Variants in ZNF843 observed in about 807,000 individuals in gnomAD.
ZNF843 encodes zinc finger protein 843.
For missense variants in ZNF843, 482 were observed against 469.4 expected, an observed-to-expected ratio of 1.03 and a Z score of -0.25; for synonymous variants, 185 against 207.7, an observed-to-expected ratio of 0.89 and a Z score of 0.94.
Position 31,435,862 on chromosome 16 carries a change from G to A in ZNF843, c.988C>T (p.Leu330=). The change falls in exon 2 of 2, where the codon CTA becomes TTA. Residue 330 remains leucine, a synonymous_variant. Coordinates refer to ENST00000315678, the MANE Select transcript of ZNF843 (RefSeq NM_001136509.3). ...GCCTTCCACACCGGAAACACTGGTA[G>A]GGCTCCTCTCCAGTGTGGGTTCGAG... ...PPSNPHWRGA[L]PVFPVWKASS... 1.3e-6 allele frequency: 2 copies of A among 1,509,594 alleles called. No individual in the cohort carries two copies. The highest frequency in any genetic ancestry group is 1.8e-6 in the Non-Finnish European group (2 of 1,126,546). 93.5% of individuals were successfully genotyped at this position (1,509,594 alleles called of 1,614,324 possible).
In ZNF843 at chr16:31,436,553, G is replaced by A. The variant is rs1467006395; in HGVS notation, c.297C>T (p.Ser99=). The part of the protein sequence containing the change: ...HSSAGVRQGF[S]GQLCCWLTKE... The stretch of plus-strand genomic sequence containing the variant: ...TGGTGAGCCAGCAGCAGAGCTGGCC[G>A]CTAAACCCTTGCCGCACTCCCGCAG... Residue 99 remains serine (S), a synonymous_variant, in exon 2 of 2, where the codon AGC becomes AGT. Transcript: ENST00000315678. The A allele has an allele frequency of 1.2e-5, 18 of 1,550,200 alleles. No individual in the cohort carries two copies. Among genetic ancestry groups the A allele is most frequent in the Non-Finnish European group, 1.3e-5 (15 of 1,145,934 alleles).
Position 31,436,970 on chromosome 16 carries a change from G to T in ZNF843, c.-121C>A. The T allele has an allele frequency of 1.0e-6, 1 of 964,798 alleles. No homozygotes were observed. Among genetic ancestry groups the T allele is most frequent in the Non-Finnish European group, 1.5e-6 (1 of 657,926 alleles). 59.8% of individuals were successfully genotyped at this position (964,798 alleles called of 1,614,324 possible). On this transcript the variant is annotated 5_prime_UTR_variant, in exon 2 of 2. Coordinates refer to ENST00000315678, the MANE Select transcript of ZNF843 (RefSeq NM_001136509.3). ...CCCGTGGCCACGAGCTCACAGTCTGGGAGCAGCACCCGGCCCCAGGCCTCG... is the reference window on the plus strand; with the variant it reads ...CCCGTGGCCACGAGCTCACAGTCTGTGAGCAGCACCCGGCCCCAGGCCTCG...
At chr16:31,437,468 A>AT (rs554255057) in intron 1 of ZNF843, among the ~76,000 whole-genome samples, 2,159 of 121,510 alleles carry the variant, frequency 0.018, 45 homozygotes, top group African/African-American at 0.044. Context: ...TAGGCCCAGC[A>AT]TTTTTTTTTT....
chr16:31,441,521 A>G (rs1471986584), intron 1 of ZNF843, among the ~76,000 whole-genome samples: 2 of 152,120 alleles, frequency 1.3e-5, no homozygotes, highest in African/African-American at 2.4e-5. Flanking sequence ...CTCTCCCTCT[A>G]TCATCCAGGC....
chr16:31,436,567 G>A lies in ZNF843; in HGVS notation c.283C>T (p.Arg95Trp), dbSNP rs1478134963. ...LGRSHSSAGVRQGFSGQLCCW... is the reference protein window; with the variant it reads ...LGRSHSSAGVWQGFSGQLCCW... ...CAGAGCTGGCCGCTAAACCCTTGCC[G>A]CACTCCCGCAGACGAATGGCTTCTC... The change falls in exon 2 of 2, where the codon CGG (arginine) becomes TGG (tryptophan). Residue 95 changes from arginine to tryptophan, a missense_variant. By Grantham distance (101) the Arg-to-Trp change is moderately radical. Transcript: ENST00000315678. The A allele has an allele frequency of 2.6e-6, 4 of 1,550,308 alleles. No individual in the cohort carries two copies. Among genetic ancestry groups the A allele is most frequent in the Non-Finnish European group, 3.5e-6 (4 of 1,146,086 alleles).
intron 1 of ZNF843, among the ~76,000 whole-genome samples, chr16:31,440,113 G>T (rs1477917011): frequency 2.0e-5 from 3 of 152,076 alleles, no homozygotes; most frequent in African/African-American, 7.2e-5. Context: ...AGATACTAAC[G>T]ATTACCCCAT....
In ZNF843 at chr16:31,436,843, T is replaced by G; in HGVS notation, c.7A>C (p.Ser3Arg). The G allele has an allele frequency of 3.3e-6, 5 of 1,534,892 alleles. No individual in the cohort carries two copies. Among genetic ancestry groups the G allele is most frequent in the Non-Finnish European group, 3.5e-6 (4 of 1,137,474 alleles). The change falls in exon 2 of 2, where the codon AGC (serine) becomes CGC (arginine). Residue 3 changes from serine to arginine, a missense_variant. Physicochemically the swap from Ser to Arg is moderately radical, Grantham distance 110. Transcript: ENST00000315678. The stretch of plus-strand genomic sequence containing the variant: ...TCCACAGTCAGGGCAAAGGGGAGGC[T>G]TCTCATGAGCAGGGCTTCGGAGATG... MRSLPFALTVESV... is the reference protein window; with the variant it reads MRRLPFALTVESV...
intron 1 of ZNF843, among the ~76,000 whole-genome samples, chr16:31,437,829 T>C (rs1361910548): frequency 2.0e-5 from 3 of 151,916 alleles, no homozygotes; most frequent in East Asian, 1.9e-4. Context: ...GATTTCACCA[T>C]GTTGGTCAGG....
chr16:31,436,200 C>T lies in ZNF843; in HGVS notation c.650G>A (p.Arg217Gln), dbSNP rs1360849194. 14 of 1,533,378 alleles carry T rather than the reference C, an allele frequency of 9.1e-6. No homozygotes were observed. The highest frequency in any genetic ancestry group is 2.8e-5 in the African/African-American group (2 of 72,712). The allele number at this position is 1,533,378 out of a possible 1,614,324, so 95.0% of individuals were successfully genotyped here. ...QHLPPSTLLP[R>Q]PPFLYPGPPL... ...GGGGCCAGGATAAAGGAAGGGAGGT[C>T]GGGGCAGGAGTGTGGATGGGGGCAG... The change falls in exon 2 of 2, where the codon CGA (arginine) becomes CAA (glutamine). Residue 217 changes from arginine (R) to glutamine (Q), a missense_variant. By Grantham distance (43) the Arg-to-Gln change is conservative. Coordinates refer to ENST00000315678, the MANE Select transcript of ZNF843 (RefSeq NM_001136509.3).
intron 1 of ZNF843, among the ~76,000 whole-genome samples, chr16:31,441,581 C>G (rs933975391): frequency 6.6e-6 from 1 of 152,096 alleles, no homozygotes; most frequent in Non-Finnish European, 1.5e-5. Flanking sequence ...ACCTCCTGGG[C>G]TCAAGCGGTC....
Position 31,437,110 on chromosome 16 carries a change from G to C in ZNF843, c.-261C>G, listed in dbSNP as rs1333859388. ...TCCCCATCACTAAGTCCATCCTCTT[G>C]GATACGCTGGTCCTCACTGCCGTGT... is the stretch of plus-strand genomic sequence containing the variant. On this transcript the variant is annotated 5_prime_UTR_variant, in exon 2 of 2. Transcript: ENST00000315678. The C allele has an allele frequency of 2.2e-6, 1 of 450,964 alleles. No individual in the cohort carries two copies. Among genetic ancestry groups the C allele is most frequent in the Admixed American group, 4.0e-5 (1 of 24,712 alleles). 27.9% of individuals were successfully genotyped at this position (450,964 alleles called of 1,614,324 possible).
chr16:31,442,301 T>TTTTATTTATTTATTTATTTA (rs144027321), intron 1 of ZNF843, among the ~76,000 whole-genome samples: 13 of 149,634 alleles, frequency 8.7e-5, no homozygotes, highest in African/African-American at 3.2e-4. Context: ...CTTCGCTCGA[T>TTTTATTTATTTATTTATTTA]TTTATTTATT....
At position 31,436,734 on chromosome 16, in the gene ZNF843, C is replaced by A; in HGVS notation, c.116G>T (p.Gly39Val). 6.4e-7 allele frequency: 1 copy of A among 1,551,760 alleles called. No homozygotes were observed. Among genetic ancestry groups the A allele is most frequent in the South Asian group, 1.2e-5 (1 of 84,066 alleles). Residue 39 changes from glycine (G) to valine (V), a missense_variant, in exon 2 of 2, where the codon GGG (glycine) becomes GTG (valine). Transcript: ENST00000315678. The stretch of plus-strand genomic sequence containing the variant: ...GGATGCGCTCTGAGTAAAACCCCTC[C>A]CGCAGGCCTTGCACTTGCAGGGCTG... ...GRQPCKCKAC[G>V]RGFTQSASLL...
intron 1 of ZNF843, among the ~76,000 whole-genome samples, chr16:31,440,152 A>C (rs2082196382): frequency 1.3e-5 from 2 of 152,188 alleles, no homozygotes; most frequent in South Asian, 4.1e-4. Flanking sequence ...GAGGCATAGA[A>C]AGTTTAAGTA....
Position 31,435,740 on chromosome 16 carries a change from C to T in ZNF843, c.*63G>A, listed in dbSNP as rs917904758. 4 of 1,411,040 alleles carry T rather than the reference C, an allele frequency of 2.8e-6. No individual in the cohort carries two copies. The highest frequency in any genetic ancestry group is 1.5e-5 in the South Asian group (1 of 64,776). The allele number at this position is 1,411,040 out of a possible 1,614,324, so 87.4% of individuals were successfully genotyped here. ...TCTGTGTGGAGGGAGGGGACTGCAT[C>T]TCAGATCCACAGTCCACCGGCGGCT... On this transcript the variant is annotated 3_prime_UTR_variant, in exon 2 of 2. Coordinates refer to ENST00000315678, the MANE Select transcript of ZNF843 (RefSeq NM_001136509.3).
intron 1 of ZNF843, 113 bp from the exon 2 acceptor site, chr16:31,437,297 C>CTTTTTTTTTTTTTT (rs59710664): frequency 7.3e-5 from 6 of 82,028 alleles, no homozygotes; most frequent in African/African-American, 3.0e-4. Flanking sequence ...TTCTTTCCTT[C>CTTTTTTTTTTTTTT]TTTTTTTTTT....
rs1237906562 is a variant in ZNF843 at position 31,435,863 on chromosome 16, G to A, written c.987C>T (p.Ala329=). The change falls in exon 2 of 2, where the codon GCC becomes GCT. Residue 329 remains alanine (A), a synonymous_variant. Coordinates refer to ENST00000315678, the MANE Select transcript of ZNF843 (RefSeq NM_001136509.3). ...PPPSNPHWRG[A]LPVFPVWKAS... ...CCTTCCACACCGGAAACACTGGTAG[G>A]GCTCCTCTCCAGTGTGGGTTCGAGG... is the stretch of plus-strand genomic sequence containing the variant. 6.6e-7 allele frequency: 1 copy of A among 1,510,610 alleles called. No individual in the cohort carries two copies. Among genetic ancestry groups the A allele is most frequent in the Admixed American group, 2.3e-5 (1 of 44,200 alleles). The allele number at this position is 1,510,610 out of a possible 1,614,324, so 93.6% of individuals were successfully genotyped here. A position where few individuals can be genotyped will look rare whatever the true frequency, so the allele number is the denominator to read the frequency against.
chr16:31,438,905 A>C (rs1480016315), intron 1 of ZNF843, among the ~76,000 whole-genome samples: 1 of 151,024 alleles, frequency 6.6e-6, no homozygotes, highest in Non-Finnish European at 1.5e-5. Context: ...CCAAGGACAA[A>C]AAAATAAACA....
intron 1 of ZNF843, among the ~76,000 whole-genome samples, chr16:31,439,513 A>G (rs756599109): frequency 6.6e-6 from 1 of 152,266 alleles, no homozygotes; most frequent in African/African-American, 2.4e-5. Flanking sequence ...AATGGGTGGA[A>G]GAATAAAGTG....
Sources: allele counts gnomAD v4.1 joint callset (sites outside exome capture counted in the v4.1 genomes callset), GRCh38; gene constraint gnomAD v4.1.1; transcripts MANE v1.5; gene names NCBI Gene and HGNC (gene_info 2026-07-23, HGNC 2026-07-21).